Variants in OTUD7A observed in about 807,000 individuals in gnomAD.
OTUD7A encodes the protein OTU domain-containing protein 7A.
Under a neutral mutation model 65.7 loss-of-function variants are expected in OTUD7A, and 12 were observed. The ratio of observed to expected loss-of-function variants is 0.18; its 90% CI spans 0.12 to 0.30. OTUD7A has a LOEUF of 0.30. Among genes scored for constraint, OTUD7A ranks in the 10% least tolerant of loss-of-function variants. The probability of loss-of-function intolerance (pLI) is 1.00; values close to 1 mark genes in which losing one functional copy is unlikely to be tolerated. For missense variants in OTUD7A, 1,148 were observed against 1,304.8 expected (o/e 0.88, Z 1.85); for synonymous variants, 641 against 586.3 (o/e 1.09, Z -1.35).
intron 1 of OTUD7A, among the ~76,000 whole-genome samples, chr15:31,688,410 T>C (rs1239265857): frequency 6.6e-6 from 1 of 151,938 alleles, no homozygotes; most frequent in Non-Finnish European, 1.5e-5. Context: ...ATAAAACAAG[T>C]GGCTCAGACT....
At chr15:31,746,414 A>G (rs927884111) in intron 1 of OTUD7A, among the ~76,000 whole-genome samples, 1 of 152,230 alleles carries the variant, frequency 6.6e-6, no homozygotes, top group African/African-American at 2.4e-5. Context: ...TCAATGATAA[A>G]AAAAGAACGA....
chr15:31,475,832 T>C lies in OTUD7A; in HGVS notation c.*7462A>G, dbSNP rs935121896. ...CAGTGTTTTCCTTTGTCCACAGTAA[T>C]CAAAGAAAATGGGAGAAATAAAGCA... is the stretch of plus-strand genomic sequence containing the variant. On this transcript the variant is annotated 3_prime_UTR_variant, in exon 13 of 13. Coordinates refer to ENST00000307050, the MANE Select transcript of OTUD7A (RefSeq NM_001382637.1). The C allele has an allele frequency of 6.6e-6, 1 of 151,816 alleles. No individual in the cohort carries two copies. Among genetic ancestry groups the C allele is most frequent in the African/African-American group, 2.4e-5 (1 of 41,286 alleles). The allele number at this position is 151,816 out of a possible 1,614,324, so 9.4% of individuals were successfully genotyped here. A position where few individuals can be genotyped will look rare whatever the true frequency, so the allele number is the denominator to read the frequency against.
intron 8 of OTUD7A, among the ~76,000 whole-genome samples, chr15:31,518,769 C>T (rs2041898253): frequency 6.6e-6 from 1 of 152,244 alleles, no homozygotes; most frequent in Admixed American, 6.5e-5. Context: ...CACAGCAGAG[C>T]CAGTCTGAGG....
intron 3 of OTUD7A, among the ~76,000 whole-genome samples, chr15:31,651,432 A>C (rs1891831702): frequency 6.6e-6 from 1 of 152,162 alleles, no homozygotes; most frequent in Admixed American, 6.5e-5. Flanking sequence ...TTCTTTTTTA[A>C]CACCACTATT....
chr15:31,503,662 A>AGC lies in OTUD7A; in HGVS notation c.1021+28_1021+29insGC. On this transcript the variant is annotated intron_variant, in intron 9 of 12. Transcript: ENST00000307050. ...GGGATGCTATGCTTTCTGTGTCATG[A>AGC]ATACAACACATCTCTTTGAGGAACT... is the stretch of plus-strand genomic sequence containing the variant. 3 of 1,613,778 alleles carry AGC rather than the reference A, an allele frequency of 1.9e-6. No individual in the cohort carries two copies. In the South Asian group the frequency reaches 3.3e-5, roughly 18 times the overall value.
intron 8 of OTUD7A, among the ~76,000 whole-genome samples, chr15:31,514,025 T>A (rs957734426): frequency 2.0e-5 from 3 of 148,934 alleles, no homozygotes; most frequent in Non-Finnish European, 4.4e-5. Flanking sequence ...ATCCTCATCA[T>A]TTCTTTTTTT....
At chr15:31,493,587 A>G (rs1321215798) in intron 10 of OTUD7A, among the ~76,000 whole-genome samples, 1 of 152,256 alleles carries the variant, frequency 6.6e-6, no homozygotes, top group African/African-American at 2.4e-5. Context: ...TTTCAAATAC[A>G]TATGGAATAT....
intron 1 of OTUD7A, among the ~76,000 whole-genome samples, chr15:31,792,522 C>T (rs1025959725): frequency 1.3e-5 from 2 of 152,186 alleles, no homozygotes; most frequent in Non-Finnish European, 2.9e-5. Context: ...CAGTCCTAAG[C>T]TGGAGCTTCT....
chr15:31,589,001 G>A (rs934347078), intron 3 of OTUD7A, among the ~76,000 whole-genome samples: 2 of 152,224 alleles, frequency 1.3e-5, no homozygotes, highest in South Asian at 4.1e-4. Context: ...TGTGGGGTGG[G>A]TGACATGGCC....
chr15:31,489,567 G>A (rs534815789), intron 10 of OTUD7A, among the ~76,000 whole-genome samples: 12 of 152,308 alleles, frequency 7.9e-5, no homozygotes, highest in African/African-American at 2.9e-4. Flanking sequence ...AATGTGGGAA[G>A]TGCTGGGTGA....
intron 1 of OTUD7A, among the ~76,000 whole-genome samples, chr15:31,672,170 A>C (rs183530993): frequency 5.9e-5 from 9 of 152,290 alleles, no homozygotes; most frequent in African/African-American, 2.2e-4. Flanking sequence ...AATGCTCTGG[A>C]TTAACCTAAG....
At chr15:31,760,921 T>G (rs995026335) in intron 1 of OTUD7A, among the ~76,000 whole-genome samples, 30 of 152,068 alleles carry the variant, frequency 2.0e-4, no homozygotes, top group African/African-American at 6.0e-4. Flanking sequence ...TTTTTTTGGG[T>G]TTTTTTGTTT....
chr15:31,643,473 C>T (rs1196355970), intron 3 of OTUD7A, among the ~76,000 whole-genome samples: 3 of 152,264 alleles, frequency 2.0e-5, no homozygotes, highest in East Asian at 1.9e-4. Context: ...TCAACTCAGG[C>T]TTTAAAAAGT....
intron 1 of OTUD7A, among the ~76,000 whole-genome samples, chr15:31,696,951 G>T (rs1469149777): frequency 1.3e-5 from 2 of 151,170 alleles, no homozygotes; most frequent in Non-Finnish European, 3.0e-5. Context: ...CCTGGGTGTG[G>T]GGTGGCCTCT....
chr15:31,723,658 T>C (rs1333410833), intron 1 of OTUD7A, among the ~76,000 whole-genome samples: 3 of 92,202 alleles, frequency 3.3e-5, no homozygotes, highest in African/African-American at 1.3e-4. Flanking sequence ...TTCCCTTGTG[T>C]ACATGTACTG....
chr15:31,703,132 A>G (rs1893251526), intron 1 of OTUD7A, among the ~76,000 whole-genome samples: 1 of 152,088 alleles, frequency 6.6e-6, no homozygotes, highest in African/African-American at 2.4e-5. Context: ...ACTTGAATGT[A>G]AAATATAAGA....
chr15:31,763,038 T>C (rs1895009841), intron 1 of OTUD7A, among the ~76,000 whole-genome samples: 1 of 152,040 alleles, frequency 6.6e-6, no homozygotes, highest in African/African-American at 2.4e-5. Context: ...ATCCCAACAC[T>C]TTGTGAGGCT....
intron 1 of OTUD7A, among the ~76,000 whole-genome samples, chr15:31,753,705 T>TATATAATATATAACCTGTG (rs1567004909): frequency 1.3e-5 from 1 of 78,434 alleles, no homozygotes; most frequent in African/African-American, 9.5e-5. Context: ...ATATATATTA[T>TATATAATATATAACCTGTG]ATATATATAT....
intron 1 of OTUD7A, among the ~76,000 whole-genome samples, chr15:31,772,251 CAA>C (rs34676002): frequency 0.012 from 965 of 80,676 alleles, 14 homozygotes; most frequent in African/African-American, 0.044. Flanking sequence ...GACTCCGTCT[CAA>C]AAAAAAAAAA....
Sources: gnomAD v4.1 joint callset for allele counts (sites outside exome capture counted in the v4.1 genomes callset) on GRCh38, gnomAD v4.1.1 for gene constraint, MANE v1.5 for transcripts, NCBI Gene and HGNC (gene_info 2026-07-23, HGNC 2026-07-21) for gene names.